The following PCLO variants were observed in gnomAD, a reference collection of about 807,000 sequenced individuals.
PCLO encodes protein piccolo.
PCLO carries 82 observed loss-of-function variants against 427.5 expected under a neutral mutation model. That is an observed-to-expected ratio of 0.19 (90% CI 0.16 to 0.23). PCLO has a LOEUF of 0.23. PCLO is among the 10% of genes least tolerant of loss of function. PCLO has a pLI of 1.00. For missense variants in PCLO, 6,239 were observed against 6,115.9 expected, an observed-to-expected ratio of 1.02 and a Z score of -0.67; for synonymous variants, 2,357 against 2,155.4, an observed-to-expected ratio of 1.09 and a Z score of -2.59.
chr7:82,759,147 A>G (rs1416705244), intron 24 of PCLO, among the ~76,000 whole-genome samples: 1 of 151,914 alleles, frequency 6.6e-6, no homozygotes, highest in East Asian at 1.9e-4. Flanking sequence ...CATTGTTTAT[A>G]TTTAGTATGA....
intron 6 of PCLO, among the ~76,000 whole-genome samples, chr7:82,938,491 TA>T (rs1358161216): frequency 1.3e-5 from 2 of 151,994 alleles, no homozygotes; most frequent in Non-Finnish European, 2.9e-5. Context: ...TACTAAAATT[TA>T]AAACCACCCT....
chr7:82,952,961 T>C lies in PCLO; in HGVS notation c.7992A>G (p.Thr2664=), dbSNP rs1401479822. 3 of 1,613,882 alleles carry C rather than the reference T, an allele frequency of 1.9e-6. No homozygotes were observed. The highest frequency in any genetic ancestry group is 3.3e-5 in the Admixed American group (2 of 60,020). The stretch of plus-strand genomic sequence containing the variant: ...CAGTAGTGAGAAACTGTGTAACTGA[T>C]GTGGGAGCTGCTTGAAATGAAGAGG... The part of the protein sequence containing the change: ...TAPSSFQAAP[T]SVTQFLTTEV... Residue 2664 remains threonine, a synonymous_variant, in exon 5 of 25, where the codon ACA becomes ACG. Transcript: ENST00000333891.
intron 7 of PCLO, among the ~76,000 whole-genome samples, chr7:82,909,500 C>T (rs1410543867): frequency 6.6e-6 from 1 of 151,948 alleles, no homozygotes; most frequent in African/African-American, 2.4e-5. Context: ...CAAACCTGCA[C>T]ATTCTGCACA....
At chr7:82,887,874 C>T (rs1013116598) in intron 9 of PCLO, among the ~76,000 whole-genome samples, 1 of 152,028 alleles carries the variant, frequency 6.6e-6, no homozygotes, top group African/African-American at 2.4e-5. Context: ...TCAAGACCAG[C>T]CTGGCCAAGA....
intron 3 of PCLO, among the ~76,000 whole-genome samples, chr7:83,030,312 G>A (rs540865368): frequency 1.3e-5 from 2 of 152,082 alleles, no homozygotes; most frequent in African/African-American, 2.4e-5. Flanking sequence ...AACTCTACAG[G>A]GGATATCCCT....
In PCLO at chr7:83,014,921, T is replaced by C. The variant is rs980051858; in HGVS notation, c.3301-48434A>G. On this transcript the variant is annotated intron_variant, in intron 3 of 24. Coordinates refer to ENST00000333891, the MANE Select transcript of PCLO (RefSeq NM_033026.6). Reference sequence around the variant, plus strand: ...ACATTTCTCACAATAAAAGTAATTATAGTAGGGAACACTTTTTGAGCAATT... The same window carrying C: ...ACATTTCTCACAATAAAAGTAATTACAGTAGGGAACACTTTTTGAGCAATT... Among the ~76,000 whole-genome samples the C allele has an allele frequency of 1.1e-4, 16 of 152,166 alleles. 1 individual carries two copies. Among genetic ancestry groups the C allele is most frequent in the African/African-American group, 3.6e-4 (15 of 41,452 alleles).
chr7:82,951,322 A>C lies in PCLO; in HGVS notation c.9266T>G (p.Val3089Gly). The change falls in exon 6 of 25, where the codon GTC becomes GGC. Residue 3089 changes from valine (V) to glycine (G), a missense_variant. Physicochemically the swap from Val to Gly is moderately radical, Grantham distance 109. This residue lies in a region of PCLO where 4,677 missense variants were observed against 4,468.4 expected (regional missense o/e 1.05). Transcript: ENST00000333891. ...GSVLRSSNGV[V>G]YSSVATPTPS... The stretch of plus-strand genomic sequence containing the variant: ...TGTTGGAGTTGCTACTGAAGAATAG[A>C]CAACACCATTAGATGACCTCAAAAC... 1 of 1,612,024 alleles carries C rather than the reference A, an allele frequency of 6.2e-7. No individual in the cohort carries two copies. The highest frequency in any genetic ancestry group is 8.5e-7 in the Non-Finnish European group (1 of 1,179,016).
intron 10 of PCLO, among the ~76,000 whole-genome samples, chr7:82,852,163 A>G (rs1018525676): frequency 4.6e-5 from 7 of 152,108 alleles, no homozygotes; most frequent in Non-Finnish European, 1.0e-4. Flanking sequence ...CTCAGTCATA[A>G]TAAGAGATTT....
chr7:82,822,413 C>T, intron 20 of PCLO, 82 bp downstream of exon 20: 1 of 1,607,458 alleles, frequency 6.2e-7, no homozygotes, highest in South Asian at 1.1e-5. Context: ...AAACTGAAAG[C>T]AAACAGGAAA....
In PCLO at chr7:83,162,589, C is replaced by A; in HGVS notation, c.4G>T (p.Gly2Cys). Residue 2 changes from glycine (G) to cysteine (C), a missense_variant, in exon 1 of 25, where the codon GGC (glycine) becomes TGC (cysteine). Physicochemically the swap from Gly to Cys is radical, Grantham distance 159. Transcript: ENST00000333891. M[G>C]NEASLEGEGL... ...TCCCCTTCCAAGCTCGCCTCGTTGC[C>A]CATGGCTCAGGGAGACTCGGGGCCG... is the stretch of plus-strand genomic sequence containing the variant. The A allele has an allele frequency of 6.5e-7, 1 of 1,545,316 alleles. No individual in the cohort carries two copies. Among genetic ancestry groups the A allele is most frequent in the Non-Finnish European group, 8.7e-7 (1 of 1,147,480 alleles).
rs1304123099 is a variant in PCLO, at chr7:83,128,674, T to C, written c.3300+5576A>G. Among the ~76,000 whole-genome samples the C allele has an allele frequency of 2.0e-5, 3 of 152,150 alleles. 1 individual carries two copies. The highest frequency in any genetic ancestry group is 1.3e-4 in the Admixed American group (2 of 15,282). ...CACCACGACCAATGAAACACTGAGA[T>C]AGTTATCATTTTCATGGAGTAAAGT... On this transcript the variant is annotated intron_variant, in intron 3 of 24. Coordinates refer to ENST00000333891, the MANE Select transcript of PCLO (RefSeq NM_033026.6).
At chr7:82,974,053 T>C (rs569865841) in intron 3 of PCLO, among the ~76,000 whole-genome samples, 1 of 152,170 alleles carries the variant, frequency 6.6e-6, no homozygotes, top group Non-Finnish European at 1.5e-5. Context: ...AACACAATTT[T>C]AACAGATCTG....
chr7:82,899,542 C>T (rs1320864190), intron 9 of PCLO, among the ~76,000 whole-genome samples: 2 of 151,316 alleles, frequency 1.3e-5, no homozygotes, highest in Non-Finnish European at 3.0e-5. Flanking sequence ...GTAATCAATA[C>T]AGGGTAACTA....
chr7:82,842,518 C>T (rs1792392652), intron 13 of PCLO, among the ~76,000 whole-genome samples: 3 of 151,894 alleles, frequency 2.0e-5, no homozygotes, highest in Admixed American at 2.0e-4. Flanking sequence ...AAAGCACAGG[C>T]AACAAAAGCA....
chr7:82,882,738 G>A (rs1303674517), intron 9 of PCLO, among the ~76,000 whole-genome samples: 4 of 152,084 alleles, frequency 2.6e-5, no homozygotes, highest in African/African-American at 4.8e-5. Flanking sequence ...TACAATTTAA[G>A]TCTCTATGTA....
chr7:83,108,083 A>G (rs559338181), intron 3 of PCLO, among the ~76,000 whole-genome samples: 5 of 151,850 alleles, frequency 3.3e-5, no homozygotes, highest in Non-Finnish European at 7.4e-5. Context: ...GGCAATAGTT[A>G]TGGCCATTGA....
intron 13 of PCLO, among the ~76,000 whole-genome samples, chr7:82,842,445 G>T (rs1157687216): frequency 6.6e-6 from 1 of 152,036 alleles, no homozygotes; most frequent in Non-Finnish European, 1.5e-5. Flanking sequence ...TTATTAGAGA[G>T]AAACATAAGG....
chr7:83,101,463 G>A (rs374607497), intron 3 of PCLO, among the ~76,000 whole-genome samples: 1 of 151,722 alleles, frequency 6.6e-6, no homozygotes, highest in South Asian at 2.1e-4. Flanking sequence ...CACCAATAAT[G>A]GAAAAGAATT....
intron 3 of PCLO, among the ~76,000 whole-genome samples, chr7:82,979,221 TATAAATAA>T (rs1245222857): frequency 2.6e-5 from 4 of 151,410 alleles, no homozygotes; most frequent in Admixed American, 6.6e-5. Context: ...TTCAAAAACA[TATAAATAA>T]ATAAATAATC....
Sources: allele counts gnomAD v4.1 joint callset (sites outside exome capture counted in the v4.1 genomes callset), GRCh38; gene constraint gnomAD v4.1.1; regional missense constraint gnomAD v4.1.1; transcripts MANE v1.5; gene names NCBI Gene and HGNC (gene_info 2026-07-23, HGNC 2026-07-21).